Variants in SLC35B3 observed in about 807,000 individuals in gnomAD.
SLC35B3 encodes the protein solute carrier family 35 member B3.
SLC35B3 carries 35 observed loss-of-function variants against 44.1 expected under a neutral mutation model. The ratio of observed to expected loss-of-function variants is 0.79; its 90% CI spans 0.61 to 1.05. The LOEUF (loss-of-function observed/expected upper bound fraction) is 1.05, where lower values mean the gene tolerates loss of function less well. Among genes scored for constraint, SLC35B3 ranks in the 50% least tolerant of loss-of-function variants. SLC35B3 has a pLI of 0.00. For missense variants in SLC35B3, 414 were observed against 476.4 expected, an observed-to-expected ratio of 0.87 and a Z score of 1.22; for synonymous variants, 146 against 167.3, an observed-to-expected ratio of 0.87 and a Z score of 0.98.
At chr6:8,418,104 A>T (rs925279153) in intron 7 of SLC35B3, among the ~76,000 whole-genome samples, 8 of 152,122 alleles carry the variant, frequency 5.3e-5, no homozygotes, top group African/African-American at 1.7e-4. Flanking sequence ...TAGTTATCAT[A>T]ATCCAATTTC....
At position 8,419,633 on chromosome 6, in the gene SLC35B3, C is replaced by G; in HGVS notation, c.727G>C (p.Gly243Arg). The G allele has an allele frequency of 6.4e-7, 1 of 1,566,296 alleles. No homozygotes were observed. Among genetic ancestry groups the G allele is most frequent in the Non-Finnish European group, 8.7e-7 (1 of 1,150,286 alleles). The change falls in exon 7 of 11, where the codon GGA becomes CGA. Residue 243 changes from glycine (G) to arginine (R), a missense_variant. Gly to Arg is a moderately radical substitution (Grantham distance 125). Transcript: ENST00000644923. The surrounding 1 kb of genome is among the most constrained non-coding windows in gnomAD (Gnocchi z 4.3). The stretch of plus-strand genomic sequence containing the variant: ...TTCATAGCTTTCTCTTGAACATTTC[C>G]AATGACGGCATCTGCACATAGTGCC...
chr6:8,425,253 ATAGTAT>A (rs1450661215), intron 4 of SLC35B3, among the ~76,000 whole-genome samples: 2 of 152,162 alleles, frequency 1.3e-5, no homozygotes, highest in African/African-American at 4.8e-5. Flanking sequence ...ACCTACAAAG[ATAGTAT>A]TAGTGTCTTT....
rs1325268372 is a variant in SLC35B3 at position 8,420,056 on chromosome 6, A to T, written c.683-379T>A. On this transcript the variant is annotated intron_variant, in intron 6 of 10. Transcript: ENST00000644923. This position sits in a 1 kb window ranked among gnomAD's most constrained non-coding sequence, Gnocchi z 4.4. ...ATTCAGTTAATTAAAAAAAAAAAAA[A>T]CAGATGAAGAGAAAAGTCATTTTTG... Among the ~76,000 whole-genome samples, 4 of 151,664 alleles carry T rather than the reference A, an allele frequency of 2.6e-5. No homozygotes were observed. Among genetic ancestry groups the T allele is most frequent in the Non-Finnish European group, 4.4e-5 (3 of 67,878 alleles).
rs1764271031 is a variant in SLC35B3 at position 8,434,284 on chromosome 6, G to C, written c.3+101C>G. The C allele has an allele frequency of 8.9e-7, 1 of 1,121,804 alleles. No homozygotes were observed. Among genetic ancestry groups the C allele is most frequent in the African/African-American group, 1.6e-5 (1 of 63,714 alleles). The allele number at this position is 1,121,804 out of a possible 1,614,324, so 69.5% of individuals were successfully genotyped here. Reference sequence around the variant, plus strand: ...GACAAAAGTCCCACACCAAAAAAAGGTAGAATATGAAAAAAAAGTCATTAC... The same window carrying C: ...GACAAAAGTCCCACACCAAAAAAAGCTAGAATATGAAAAAAAAGTCATTAC... On this transcript the variant is annotated intron_variant, in intron 2 of 10. Coordinates refer to ENST00000644923, the MANE Select transcript of SLC35B3 (RefSeq NM_001370476.2). The surrounding 1 kb of genome is among the most constrained non-coding windows in gnomAD (Gnocchi z 6.3).
In SLC35B3 at chr6:8,412,682, G is replaced by T. The variant is rs765457961; in HGVS notation, c.*867C>A. On this transcript the variant is annotated 3_prime_UTR_variant, in exon 11 of 11. Coordinates refer to ENST00000644923, the MANE Select transcript of SLC35B3 (RefSeq NM_001370476.2). ...GGAAGACAATTTTTCCATGGACTGG[G>T]ACAGGGGATGGTTTCAGGATAAAAC... 1.3e-4 allele frequency among the ~76,000 whole-genome samples: 20 copies of T among 152,172 alleles called. No homozygotes were observed. Among genetic ancestry groups the T allele is most frequent in the Non-Finnish European group, 2.2e-4 (15 of 68,036 alleles).
At position 8,435,063 on chromosome 6, in the gene SLC35B3, T is replaced by C; in HGVS notation, c.-44+280A>G. The C allele has an allele frequency of 8.3e-7, 1 of 1,207,996 alleles. No individual in the cohort carries two copies. The highest frequency in any genetic ancestry group is 3.3e-5 in the Admixed American group (1 of 30,390). The allele number at this position is 1,207,996 out of a possible 1,614,324, so 74.8% of individuals were successfully genotyped here. A position where few individuals can be genotyped will look rare whatever the true frequency, so the allele number is the denominator to read the frequency against. ...CCCGAGAACAGCGTAAAAGACCCCT[T>C]GAGGTCACCTCACCCCTGCGAGTCC... On this transcript the variant is annotated intron_variant, in intron 1 of 10. Transcript: ENST00000644923. This position sits in a 1 kb window ranked among gnomAD's most constrained non-coding sequence, Gnocchi z 5.5.
chr6:8,431,009 T>C (rs1763932706), intron 2 of SLC35B3, among the ~76,000 whole-genome samples: 1 of 152,188 alleles, frequency 6.6e-6, no homozygotes. Flanking sequence ...GTAGCATCTC[T>C]TAGGTTAAAA....
At position 8,419,669 on chromosome 6, in the gene SLC35B3, G is replaced by A; in HGVS notation, c.691C>T (p.Leu231Phe). The change falls in exon 7 of 11, where the codon CTT (leucine) becomes TTT (phenylalanine). Residue 231 changes from leucine (L) to phenylalanine (F), a missense_variant. By Grantham distance (22) the Leu-to-Phe change is conservative. Transcript: ENST00000644923. The surrounding 1 kb of genome is among the most constrained non-coding windows in gnomAD (Gnocchi z 4.3). ...TCTGCACATAGTGCCAGGGAAATAA[G>A]CACCACACCTTCAAGAAGGTATTAA... 1.3e-6 allele frequency: 2 copies of A among 1,508,130 alleles called. No homozygotes were observed. The highest frequency in any genetic ancestry group is 1.4e-5 in the African/African-American group (1 of 71,844). The allele number at this position is 1,508,130 out of a possible 1,614,324, so 93.4% of individuals were successfully genotyped here. A position where few individuals can be genotyped will look rare whatever the true frequency, so the allele number is the denominator to read the frequency against.
chr6:8,414,885 T>C (rs753970403), intron 10 of SLC35B3, 23 bp downstream of exon 9: 1 of 1,403,036 alleles, frequency 7.1e-7, no homozygotes, highest in Non-Finnish European at 9.9e-7. Context: ...CTGAGAAAAA[T>C]TGTTTAATTA....
intron 4 of SLC35B3, among the ~76,000 whole-genome samples, chr6:8,425,201 C>A (rs1274232245): frequency 6.6e-6 from 1 of 152,152 alleles, no homozygotes; most frequent in Non-Finnish European, 1.5e-5. Context: ...GTGTTTCTTT[C>A]TGAAATGTAA....
At position 8,434,760 on chromosome 6, in the gene SLC35B3, G is replaced by C. The variant is rs1350234148; in HGVS notation, c.-43-330C>G. ...ACTCAACACTTAAGATTTTGTTAGC[G>C]CACCAAATCATTCCATCTTTTACTT... On this transcript the variant is annotated intron_variant, in intron 1 of 10. Coordinates refer to ENST00000644923, the MANE Select transcript of SLC35B3 (RefSeq NM_001370476.2). This position sits in a 1 kb window ranked among gnomAD's most constrained non-coding sequence, Gnocchi z 6.3. 6.6e-6 allele frequency among the ~76,000 whole-genome samples: 1 copy of C among 152,012 alleles called. No homozygotes were observed. Among genetic ancestry groups the C allele is most frequent in the Non-Finnish European group, 1.5e-5 (1 of 68,008 alleles).
chr6:8,416,545 G>A (rs1000094122), intron 9 of SLC35B3, among the ~76,000 whole-genome samples: 6 of 152,090 alleles, frequency 3.9e-5, no homozygotes, highest in Non-Finnish European at 8.8e-5. Flanking sequence ...AAAACTGAAA[G>A]TTTCAGTTAC....
Position 8,420,950 on chromosome 6 carries a change from C to G in SLC35B3, c.575-122G>C, listed in dbSNP as rs1221457664. ...ATATCCAATGCCAAAAACGTGAACA[C>G]TTAGGTCAAGGCAGAAGACAGTCAC... On this transcript the variant is annotated intron_variant, in intron 5 of 10. Transcript: ENST00000644923. The surrounding 1 kb of genome is among the most constrained non-coding windows in gnomAD (Gnocchi z 4.4). The G allele has an allele frequency of 3.2e-6, 2 of 629,820 alleles. No individual in the cohort carries two copies. The highest frequency in any genetic ancestry group is 3.0e-5 in the Admixed American group (1 of 32,834). The allele number at this position is 629,820 out of a possible 1,614,324, so 39.0% of individuals were successfully genotyped here.
In SLC35B3 at chr6:8,435,319, G is replaced by GA. The variant is rs1267999545; in HGVS notation, c.-44+23dup. ...GAGGAGATCTGGGTCCCAAACACAG[G>GA]AAAGGCCCCGAAGGCACGCGTACCC... On this transcript the variant is annotated intron_variant, in intron 1 of 10. Transcript: ENST00000644923. This position sits in a 1 kb window ranked among gnomAD's most constrained non-coding sequence, Gnocchi z 5.5. 18 of 1,289,192 alleles carry GA rather than the reference G, an allele frequency of 1.4e-5. No individual in the cohort carries two copies. The Admixed American group carries it at 4.1e-4, about 30-fold the overall frequency. 79.9% of individuals were successfully genotyped at this position (1,289,192 alleles called of 1,614,324 possible). A position where few individuals can be genotyped will look rare whatever the true frequency, so the allele number is the denominator to read the frequency against.
intron 4 of SLC35B3, 135 bp from the exon 4 acceptor site, chr6:8,422,759 AT>A (rs376451154): frequency 5.3e-5 from 36 of 680,526 alleles, no homozygotes; most frequent in South Asian, 5.2e-4. Flanking sequence ...TCAGTAAAAA[AT>A]ATCACTATTT....
chr6:8,425,649 C>T (rs781410108), intron 4 of SLC35B3, among the ~76,000 whole-genome samples: 1 of 151,930 alleles, frequency 6.6e-6, no homozygotes, highest in Non-Finnish European at 1.5e-5. Context: ...ACTGTAGTTA[C>T]CTTGATACAA....
intron 2 of SLC35B3, among the ~76,000 whole-genome samples, chr6:8,430,988 A>C (rs55846642): frequency 0.017 from 2,587 of 152,284 alleles, 84 homozygotes; most frequent in African/African-American, 0.058. Context: ...AAAGCACAAT[A>C]TGCTTCAGCA....
At chr6:8,417,926 T>C (rs1762564484) in intron 7 of SLC35B3, among the ~76,000 whole-genome samples, 1 of 152,154 alleles carries the variant, frequency 6.6e-6, no homozygotes, top group Admixed American at 6.5e-5. Context: ...ACTTCTCTAT[T>C]TTCCAACCAA....
intron 2 of SLC35B3, among the ~76,000 whole-genome samples, chr6:8,431,761 T>C (rs985947163): frequency 6.6e-6 from 1 of 152,218 alleles, no homozygotes; most frequent in African/African-American, 2.4e-5. Context: ...TGTGCTTGAA[T>C]GTAGAAGAGA....
Sources: allele counts gnomAD v4.1 joint callset (sites outside exome capture counted in the v4.1 genomes callset), GRCh38; gene constraint gnomAD v4.1.1; non-coding constraint Gnocchi (gnomAD v3.1); transcripts MANE v1.5; gene names NCBI Gene and HGNC (gene_info 2026-07-23, HGNC 2026-07-21).